Variants in LGSN observed in about 807,000 individuals in gnomAD.
LGSN encodes lengsin.
In LGSN, 21 loss-of-function variants were observed where a neutral mutation model predicts 19.5. The observed-to-expected ratio is 1.07, with a 90% CI of 0.76 to 1.55. The LOEUF is 1.55. Among genes scored for constraint, LGSN ranks in the 40% most tolerant of loss-of-function variants. The probability of loss-of-function intolerance (pLI) is 0.00; values close to 1 mark genes in which losing one functional copy is unlikely to be tolerated. For missense variants in LGSN, 673 were observed against 608.5 expected (o/e 1.11, Z -1.12); for synonymous variants, 257 against 215.6 (o/e 1.19, Z -1.68).
At chr6:63,322,804 G>C (rs12110510), upstream of LGSN, among the ~76,000 whole-genome samples, 18 of 152,214 alleles carry the variant, frequency 1.2e-4, no homozygotes, top group African/African-American at 3.6e-4. Flanking sequence ...AAATATTGGA[G>C]TGAGGACAGG....
At chr6:63,442,967 T>C in the LGSN span, among the ~76,000 whole-genome samples, 1 of 152,200 alleles carries the variant, frequency 6.6e-6, no homozygotes, top group Non-Finnish European at 1.5e-5. Context: ...TCCTCAACCC[T>C]TGGCGATGGG....
chr6:63,572,580 C>A, the LGSN span: 8 of 415,450 alleles, frequency 1.9e-5, no homozygotes, highest in Non-Finnish European at 2.9e-5. Flanking sequence ...CCCCCGCCGC[C>A]GCCTGCATCG....
the LGSN span, among the ~76,000 whole-genome samples, chr6:63,513,663 C>A: frequency 6.6e-6 from 1 of 152,074 alleles, no homozygotes; most frequent in Non-Finnish European, 1.5e-5. Flanking sequence ...GTAATCCCAG[C>A]ACTTTGAGAG....
the LGSN span, among the ~76,000 whole-genome samples, chr6:63,407,633 C>T: frequency 6.6e-6 from 1 of 152,110 alleles, no homozygotes; most frequent in African/African-American, 2.4e-5. Context: ...ACAGGGATGT[C>T]CTCTGTCACC....
At chr6:63,487,466 G>A in the LGSN span, among the ~76,000 whole-genome samples, 2 of 152,290 alleles carry the variant, frequency 1.3e-5, no homozygotes, top group South Asian at 4.1e-4. Context: ...TTGCTTGGAA[G>A]ACATCCAAAA....
the LGSN span, among the ~76,000 whole-genome samples, chr6:63,413,879 C>T: frequency 2.0e-5 from 3 of 152,092 alleles, no homozygotes; most frequent in African/African-American, 7.2e-5. Context: ...TATATACTAG[C>T]TTTCATGTGT....
the LGSN span, among the ~76,000 whole-genome samples, chr6:63,475,476 G>T: frequency 9.2e-5 from 14 of 152,132 alleles, no homozygotes; most frequent in Non-Finnish European, 1.2e-4. Context: ...ACTTTGAGAT[G>T]ATTAATAAAA....
chr6:63,407,584 G>A, the LGSN span, among the ~76,000 whole-genome samples: 139 of 152,224 alleles, frequency 9.1e-4, 1 homozygote, highest in East Asian at 6.0e-3. Context: ...TACTGAATGG[G>A]CAAAAACTGG....
chr6:63,466,455 T>G, the LGSN span, among the ~76,000 whole-genome samples: 3 of 152,138 alleles, frequency 2.0e-5, no homozygotes, highest in Non-Finnish European at 4.4e-5. Flanking sequence ...CTGAATGACT[T>G]ACATTTTAAT....
chr6:63,311,560 C>T (rs1489271872), intron 1 of LGSN, among the ~76,000 whole-genome samples: 1 of 152,156 alleles, frequency 6.6e-6, no homozygotes, highest in Non-Finnish European at 1.5e-5. Context: ...TCTTCCACCC[C>T]AGCTTCACCA....
At chr6:63,412,619 G>C in the LGSN span, among the ~76,000 whole-genome samples, 12 of 138,122 alleles carry the variant, frequency 8.7e-5, no homozygotes, top group East Asian at 2.5e-3. Context: ...AAGGGAAAGG[G>C]AAAGAAGGGA....
At chr6:63,373,706 C>T in the LGSN span, among the ~76,000 whole-genome samples, 33 of 152,220 alleles carry the variant, frequency 2.2e-4, no homozygotes, top group African/African-American at 7.5e-4. Flanking sequence ...GGAGTGGTGG[C>T]TCATGCCTGT....
At chr6:63,560,895 G>A in the LGSN span, among the ~76,000 whole-genome samples, 1 of 152,138 alleles carries the variant, frequency 6.6e-6, no homozygotes, top group Non-Finnish European at 1.5e-5. Flanking sequence ...ATCTCTTGAA[G>A]TAGCCATCAG....
At chr6:63,446,593 AT>A in the LGSN span, among the ~76,000 whole-genome samples, 5 of 152,248 alleles carry the variant, frequency 3.3e-5, no homozygotes, top group Admixed American at 6.5e-5. Flanking sequence ...TGTTGAGTGA[AT>A]AAATTTGCCA....
At chr6:63,448,081 A>C in the LGSN span, among the ~76,000 whole-genome samples, 1 of 152,224 alleles carries the variant, frequency 6.6e-6, no homozygotes, top group Non-Finnish European at 1.5e-5. Flanking sequence ...ATAATATTTC[A>C]TCTCAGAATG....
the LGSN span, among the ~76,000 whole-genome samples, chr6:63,557,723 T>C: frequency 6.6e-6 from 1 of 152,206 alleles, no homozygotes; most frequent in African/African-American, 2.4e-5. Flanking sequence ...GAAAGCATAA[T>C]GGAGTGGAGC....
chr6:63,515,411 A>G, the LGSN span, among the ~76,000 whole-genome samples: 8 of 152,022 alleles, frequency 5.3e-5, no homozygotes, highest in East Asian at 1.4e-3. Flanking sequence ...TTGTATTTTT[A>G]GTAGGGATGG....
chr6:63,407,509 C>A, the LGSN span, among the ~76,000 whole-genome samples: 5 of 152,144 alleles, frequency 3.3e-5, no homozygotes, highest in East Asian at 7.7e-4. Context: ...TCAATAAATT[C>A]GGTATTGATG....
chr6:63,400,353 A>G, the LGSN span, among the ~76,000 whole-genome samples: 1 of 152,180 alleles, frequency 6.6e-6, no homozygotes, highest in Non-Finnish European at 1.5e-5. Context: ...CTTCTTCAGG[A>G]TTCTAGGAAA....
Sources: gnomAD v4.1 joint callset for allele counts (sites outside exome capture counted in the v4.1 genomes callset) on GRCh38, gnomAD v4.1.1 for gene constraint, MANE v1.5 for transcripts, NCBI Gene and HGNC (gene_info 2026-07-23, HGNC 2026-07-21) for gene names.